The following CAMTA1 variants were observed in gnomAD, a reference collection of about 807,000 sequenced individuals.
The protein encoded by CAMTA1 is calmodulin binding transcription activator 1, also known as calmodulin-binding transcription activator 1.
Under a neutral mutation model 170.9 loss-of-function variants are expected in CAMTA1, and 27 were observed. That is an observed-to-expected ratio of 0.16 (90% CI 0.12 to 0.22). The LOEUF is 0.22. Ranked by LOEUF, CAMTA1 falls within the 10% of genes least tolerant of loss-of-function variation. The pLI is 1.00. For missense variants in CAMTA1, 1,619 were observed against 2,217.2 expected, an observed-to-expected ratio of 0.73 and a Z score of 5.42; for synonymous variants, 833 against 891.5, an observed-to-expected ratio of 0.93 and a Z score of 1.17.
chr1:7,645,331 T>C (rs1285335862), intron 7 of CAMTA1, among the ~76,000 whole-genome samples: 1 of 152,188 alleles, frequency 6.6e-6, no homozygotes, highest in Non-Finnish European at 1.5e-5. Flanking sequence ...GATGGAACCG[T>C]TTCCTCGGAG....
At chr1:6,798,158 G>T (rs1642990453) in intron 1 of CAMTA1, among the ~76,000 whole-genome samples, 1 of 151,806 alleles carries the variant, frequency 6.6e-6, no homozygotes, top group Admixed American at 6.6e-5. Flanking sequence ...ACCACGCTGG[G>T]CTAATTTTTG....
chr1:7,307,572 G>A (rs527849586), intron 5 of CAMTA1, among the ~76,000 whole-genome samples: 1 of 151,914 alleles, frequency 6.6e-6, no homozygotes, highest in East Asian at 1.9e-4. Flanking sequence ...TTAGTTGTAG[G>A]GTTTTTTTGG....
chr1:7,246,359 C>T (rs1170484633), intron 4 of CAMTA1, among the ~76,000 whole-genome samples: 1 of 152,124 alleles, frequency 6.6e-6, no homozygotes, highest in Non-Finnish European at 1.5e-5. Flanking sequence ...ATGATACAGA[C>T]ACGCAAGTGG....
chr1:7,643,967 C>T (rs1360778342), intron 7 of CAMTA1, among the ~76,000 whole-genome samples: 3 of 152,228 alleles, frequency 2.0e-5, no homozygotes, highest in Non-Finnish European at 4.4e-5. Flanking sequence ...TCAGGCGGGT[C>T]ACCCAACACT....
chr1:6,933,903 A>G (rs1203058547), intron 3 of CAMTA1, among the ~76,000 whole-genome samples: 6 of 152,262 alleles, frequency 3.9e-5, no homozygotes, highest in African/African-American at 1.4e-4. Flanking sequence ...CTGTGAATCT[A>G]AGTCGTGTTA....
chr1:6,892,271 C>A (rs923836397), intron 3 of CAMTA1, among the ~76,000 whole-genome samples: 4 of 152,150 alleles, frequency 2.6e-5, no homozygotes, highest in African/African-American at 9.7e-5. Context: ...CCAGATTGGG[C>A]GGGTTGTGAG....
intron 5 of CAMTA1, among the ~76,000 whole-genome samples, chr1:7,253,426 C>A (rs1666908365): frequency 1.3e-5 from 2 of 152,198 alleles, no homozygotes; most frequent in South Asian, 4.1e-4. Context: ...CCTGTGTCCG[C>A]ATCTCTCTGC....
intron 5 of CAMTA1, among the ~76,000 whole-genome samples, chr1:7,442,166 C>T (rs992854020): frequency 1.3e-5 from 2 of 152,180 alleles, no homozygotes; most frequent in African/African-American, 4.8e-5. Flanking sequence ...TTATGCTCAG[C>T]GCTCAGCAAG....
rs147794367 is a variant in CAMTA1 at position 7,745,579 on chromosome 1, G to A, written c.4371-266G>A. 4.1e-4 allele frequency among the ~76,000 whole-genome samples: 62 copies of A among 152,288 alleles called. No individual in the cohort carries two copies. The East Asian group carries it at 9.5e-3, about 23-fold the overall frequency. On this transcript the variant is annotated intron_variant, in intron 17 of 22. Transcript: ENST00000303635. ...TAGCATAATGTTTCCCCCTAATTCA[G>A]CTGAAGTTTTCTAATGGCAGTAGAG...
chr1:7,185,931 C>T (rs945004641), intron 4 of CAMTA1, among the ~76,000 whole-genome samples: 10 of 152,148 alleles, frequency 6.6e-5, no homozygotes, highest in Non-Finnish European at 5.9e-5. Flanking sequence ...CCGGACCACG[C>T]GAGTTTGTGT....
chr1:7,628,503 G>T (rs747856540), intron 6 of CAMTA1, among the ~76,000 whole-genome samples: 1 of 152,228 alleles, frequency 6.6e-6, no homozygotes, highest in Admixed American at 6.5e-5. Context: ...CATGAGCCAC[G>T]TGGCCGTGAG....
At chr1:7,098,139 G>A (rs151150134) in intron 4 of CAMTA1, among the ~76,000 whole-genome samples, 66 of 152,300 alleles carry the variant, frequency 4.3e-4, no homozygotes, top group East Asian at 1.7e-3. Flanking sequence ...GCGTGCGTGC[G>A]CATGCGTGTG....
chr1:7,443,763 G>A lies in CAMTA1; in HGVS notation c.439-24067G>A, dbSNP rs567013790. On this transcript the variant is annotated intron_variant, in intron 5 of 22. Transcript: ENST00000303635. This position sits in a 1 kb window ranked among gnomAD's most constrained non-coding sequence, Gnocchi z 4.1. Reference sequence around the variant, plus strand: ...AAGGGAGAAGTGGGGCTCCAGAGAGGGTCCCTCAGGTCTCTGCACCCTCTT... The same window carrying A: ...AAGGGAGAAGTGGGGCTCCAGAGAGAGTCCCTCAGGTCTCTGCACCCTCTT... Among the ~76,000 whole-genome samples the A allele has an allele frequency of 1.3e-5, 2 of 152,198 alleles. No individual in the cohort carries two copies. Among genetic ancestry groups the A allele is most frequent in the East Asian group, 3.9e-4 (2 of 5,150 alleles).
At chr1:7,188,632 C>T (rs1049598650) in intron 4 of CAMTA1, among the ~76,000 whole-genome samples, 4 of 152,168 alleles carry the variant, frequency 2.6e-5, no homozygotes, top group African/African-American at 9.7e-5. Context: ...CATGTTGTAG[C>T]AGGTATGAAA....
At chr1:7,695,655 C>A (rs1458314501) in intron 11 of CAMTA1, among the ~76,000 whole-genome samples, 1 of 152,088 alleles carries the variant, frequency 6.6e-6, no homozygotes, top group African/African-American at 2.4e-5. Flanking sequence ...GAGGTGCTGG[C>A]CTGCATGGGA....
chr1:7,250,147 G>A (rs774573449), intron 5 of CAMTA1, among the ~76,000 whole-genome samples: 2 of 152,158 alleles, frequency 1.3e-5, no homozygotes, highest in African/African-American at 4.8e-5. Context: ...CATGGTTGGG[G>A]TCCTGCAGAA....
chr1:7,202,948 T>A (rs1656983036), intron 4 of CAMTA1, among the ~76,000 whole-genome samples: 1 of 152,226 alleles, frequency 6.6e-6, no homozygotes, highest in Non-Finnish European at 1.5e-5. Context: ...TCTTGTCTTG[T>A]TCCTGCCCTA....
chr1:7,572,459 T>C (rs964616405), intron 6 of CAMTA1, among the ~76,000 whole-genome samples: 28 of 152,240 alleles, frequency 1.8e-4, no homozygotes, highest in Non-Finnish European at 3.1e-4. Context: ...CTTCCAGGGT[T>C]TTTATGGTTT....
chr1:7,127,247 C>T (rs1443359874), intron 4 of CAMTA1, among the ~76,000 whole-genome samples: 154 of 73,458 alleles, frequency 2.1e-3, no homozygotes, highest in South Asian at 2.7e-3. Context: ...GCCAGAGGGG[C>T]TTTTTTTTTT....
Sources: gnomAD v4.1 joint callset for allele counts (sites outside exome capture counted in the v4.1 genomes callset) on GRCh38, gnomAD v4.1.1 for gene constraint, Gnocchi (gnomAD v3.1) non-coding constraint, MANE v1.5 for transcripts, NCBI Gene and HGNC (gene_info 2026-07-23, HGNC 2026-07-21) for gene names.